Variants in SLIT3 observed in about 807,000 individuals in gnomAD.
The protein encoded by SLIT3 is slit homolog 3 protein.
A neutral mutation model predicts 184.0 loss-of-function variants in SLIT3; 68 were observed. The observed-to-expected ratio is 0.37, with a 90% CI of 0.30 to 0.45. The LOEUF (loss-of-function observed/expected upper bound fraction) is 0.45. Ranked by LOEUF, SLIT3 falls within the 20% of genes least tolerant of loss-of-function variation. SLIT3 has a pLI of 1.00. For missense variants in SLIT3, 1,707 were observed against 2,026.0 expected (o/e 0.84, Z 3.02); for synonymous variants, 831 against 828.6 (o/e 1.00, Z -0.05).
At chr5:169,152,142 A>G (rs1464530024) in intron 4 of SLIT3, among the ~76,000 whole-genome samples, 1 of 152,208 alleles carries the variant, frequency 6.6e-6, no homozygotes, top group Non-Finnish European at 1.5e-5. Flanking sequence ...ATTATGGTAC[A>G]AAGAGCCCCA....
At chr5:169,116,878 A>G (rs1760686563) in intron 4 of SLIT3, among the ~76,000 whole-genome samples, 2 of 152,366 alleles carry the variant, frequency 1.3e-5, no homozygotes, top group East Asian at 3.9e-4. Flanking sequence ...AAAAGCAAGG[A>G]AGCAAGGAGT....
chr5:169,127,490 G>A (rs762085597), intron 4 of SLIT3, among the ~76,000 whole-genome samples: 11 of 152,132 alleles, frequency 7.2e-5, no homozygotes, highest in African/African-American at 1.9e-4. Context: ...GTCTAAAATC[G>A]GAGCAACTTA....
intron 12 of SLIT3, among the ~76,000 whole-genome samples, chr5:168,777,097 A>C (rs781772877): frequency 8.5e-6 from 1 of 117,882 alleles, no homozygotes; most frequent in African/African-American, 4.9e-5. Context: ...ACACACACAC[A>C]CACACACACC....
chr5:169,155,499 G>T (rs1002271955), intron 4 of SLIT3, among the ~76,000 whole-genome samples: 3 of 152,174 alleles, frequency 2.0e-5, no homozygotes, highest in African/African-American at 7.2e-5. Flanking sequence ...TGGAGCAAAA[G>T]ATCCCCAAAT....
intron 4 of SLIT3, among the ~76,000 whole-genome samples, chr5:169,141,393 G>A (rs1054320312): frequency 6.6e-6 from 1 of 151,830 alleles, no homozygotes; most frequent in African/African-American, 2.4e-5. Context: ...AGACCTCAGA[G>A]ACTGTAAGAT....
chr5:168,780,297 C>T lies in SLIT3; in HGVS notation c.1151+5610G>A, dbSNP rs535419066. On this transcript the variant is annotated intron_variant, in intron 12 of 35. Transcript: ENST00000519560. ...CTGGTGCCAAGAAAGAATGCAGTGGCCCTTCCAGGAGAATGGATGAAGCTC... is the reference window on the plus strand; with the variant it reads ...CTGGTGCCAAGAAAGAATGCAGTGGTCCTTCCAGGAGAATGGATGAAGCTC... Among the ~76,000 whole-genome samples, 52 of 152,354 alleles carry T rather than the reference C, an allele frequency of 3.4e-4. No individual in the cohort carries two copies. The Middle Eastern group carries it at 0.01, about 30-fold the overall frequency.
chr5:168,893,941 T>C (rs1314713026), intron 4 of SLIT3, among the ~76,000 whole-genome samples: 1 of 152,174 alleles, frequency 6.6e-6, no homozygotes, highest in Non-Finnish European at 1.5e-5. Flanking sequence ...GCTTCTAACA[T>C]GTTTTTCTTA....
chr5:169,084,112 G>A (rs927926412), intron 4 of SLIT3, among the ~76,000 whole-genome samples: 5 of 152,050 alleles, frequency 3.3e-5, no homozygotes, highest in South Asian at 2.1e-4. Context: ...CAGTTTGGCC[G>A]AGAGCGGGAT....
intron 4 of SLIT3, among the ~76,000 whole-genome samples, chr5:168,997,481 T>C (rs1200290477): frequency 6.6e-6 from 1 of 151,948 alleles, no homozygotes; most frequent in Admixed American, 6.6e-5. Flanking sequence ...TAGAAAGGGA[T>C]GGGGGTAGAG....
chr5:168,775,528 A>AT (rs1554140655), intron 12 of SLIT3, among the ~76,000 whole-genome samples: 4 of 145,482 alleles, frequency 2.7e-5, no homozygotes, highest in African/African-American at 1.1e-4. Flanking sequence ...CGTCTCTCAC[A>AT]CCCCCGTTTA....
chr5:168,820,893 AATCCC>A (rs1757507261), intron 7 of SLIT3, among the ~76,000 whole-genome samples: 1 of 152,148 alleles, frequency 6.6e-6, no homozygotes, highest in African/African-American at 2.4e-5. Flanking sequence ...TTCCTTTAGA[AATCCC>A]ATTTATGGCT....
At chr5:168,948,033 C>CCG (rs1467685791) in intron 4 of SLIT3, among the ~76,000 whole-genome samples, 1 of 152,040 alleles carries the variant, frequency 6.6e-6, no homozygotes, top group African/African-American at 2.4e-5. Context: ...CTCAAGTGAT[C>CCG]CGCCCACCTC....
intron 4 of SLIT3, among the ~76,000 whole-genome samples, chr5:169,102,223 C>T (rs907109826): frequency 6.6e-6 from 1 of 152,180 alleles, no homozygotes; most frequent in Non-Finnish European, 1.5e-5. Context: ...TGGGGACATC[C>T]CCTGCCTGAA....
chr5:168,944,211 G>A (rs898906825), intron 4 of SLIT3, among the ~76,000 whole-genome samples: 41 of 152,086 alleles, frequency 2.7e-4, no homozygotes, highest in African/African-American at 7.2e-4. Context: ...CCCTCCTATC[G>A]CTGACAACCC....
chr5:168,916,881 C>T (rs1320636881), intron 4 of SLIT3, among the ~76,000 whole-genome samples: 2 of 152,150 alleles, frequency 1.3e-5, no homozygotes, highest in Non-Finnish European at 1.5e-5. Flanking sequence ...TAGATTGACT[C>T]GGGGCTGGCT....
At chr5:168,928,224 G>A (rs1761891155) in intron 4 of SLIT3, among the ~76,000 whole-genome samples, 1 of 152,006 alleles carries the variant, frequency 6.6e-6, no homozygotes, top group Non-Finnish European at 1.5e-5. Flanking sequence ...CTTTAAAATT[G>A]GCTCATATGT....
chr5:169,144,044 T>G (rs1179377421), intron 4 of SLIT3, among the ~76,000 whole-genome samples: 6 of 152,152 alleles, frequency 3.9e-5, no homozygotes, highest in Admixed American at 3.9e-4. Flanking sequence ...AAAAGCAAGG[T>G]GCATAGTAGA....
At chr5:169,117,806 A>G (rs1192688111) in intron 4 of SLIT3, among the ~76,000 whole-genome samples, 5 of 152,244 alleles carry the variant, frequency 3.3e-5, no homozygotes, top group African/African-American at 7.2e-5. Flanking sequence ...AATATTGCCA[A>G]TGAAGTCAGA....
intron 4 of SLIT3, among the ~76,000 whole-genome samples, chr5:169,088,508 A>G (rs1266347643): frequency 1.3e-5 from 2 of 152,030 alleles, no homozygotes; most frequent in Non-Finnish European, 2.9e-5. Context: ...CCCTTTCCAT[A>G]GCAACGGCAT....
Sources: allele counts gnomAD v4.1 joint callset (sites outside exome capture counted in the v4.1 genomes callset), GRCh38; gene constraint gnomAD v4.1.1; transcripts MANE v1.5; gene names NCBI Gene and HGNC (gene_info 2026-07-23, HGNC 2026-07-21).